Variants in CLPB observed in about 807,000 individuals in gnomAD.
The protein encoded by CLPB is ClpB family mitochondrial disaggregase.
Under a neutral mutation model 78.4 loss-of-function variants are expected in CLPB, and 40 were observed. That is an observed-to-expected ratio of 0.51 (90% CI 0.40 to 0.66). The LOEUF is 0.66. Ranked by LOEUF, CLPB falls within the 30% of genes least tolerant of loss-of-function variation. The pLI, the probability that CLPB is intolerant of heterozygous loss-of-function variation, is 0.00. For missense variants in CLPB, 780 were observed against 886.9 expected (o/e 0.88, Z 1.53); for synonymous variants, 333 against 348.0 (o/e 0.96, Z 0.48).
intron 6 of CLPB, among the ~76,000 whole-genome samples, chr11:72,321,144 G>T (rs1208685228): frequency 6.6e-6 from 1 of 152,086 alleles, no homozygotes; most frequent in African/African-American, 2.4e-5. Context: ...GCTTGGTAAG[G>T]GCTCTATAAA....
At chr11:72,358,471 G>A (rs937963605) in intron 5 of CLPB, among the ~76,000 whole-genome samples, 1 of 152,182 alleles carries the variant, frequency 6.6e-6, no homozygotes, top group Non-Finnish European at 1.5e-5. Context: ...TGGGTTAGGA[G>A]GGATTTAAAG....
intron 4 of CLPB, among the ~76,000 whole-genome samples, chr11:72,360,847 C>G (rs978013133): frequency 2.0e-4 from 30 of 152,260 alleles, no homozygotes; most frequent in African/African-American, 6.3e-4. Flanking sequence ...TTATTATTCC[C>G]ATTTTATAGA....
chr11:72,359,144 C>T, intron 4 of CLPB, 136 bp from the exon 5 acceptor site: 2 of 1,371,502 alleles, frequency 1.5e-6, no homozygotes, highest in Non-Finnish European at 2.0e-6. Flanking sequence ...CTACTATGTT[C>T]CTGGCCATCT....
chr11:72,386,175 G>C (rs1406050714), intron 3 of CLPB, among the ~76,000 whole-genome samples: 1 of 152,068 alleles, frequency 6.6e-6, no homozygotes, highest in African/African-American at 2.4e-5. Context: ...TGTCAATCTG[G>C]AAAACAGAAA....
chr11:72,302,203 C>A, intron 10 of CLPB, 101 bp downstream of exon 10: 1 of 1,301,486 alleles, frequency 7.7e-7, no homozygotes, highest in South Asian at 1.2e-5. Flanking sequence ...CGACAAATCC[C>A]AAGGCTGCTG....
intron 4 of CLPB, among the ~76,000 whole-genome samples, chr11:72,375,640 C>G (rs1312208670): frequency 6.6e-6 from 1 of 152,228 alleles, no homozygotes; most frequent in Non-Finnish European, 1.5e-5. Flanking sequence ...TGCCTACATA[C>G]TTTGTGCAGC....
intron 4 of CLPB, among the ~76,000 whole-genome samples, chr11:72,379,114 G>A (rs565136298): frequency 9.2e-5 from 14 of 152,262 alleles, no homozygotes; most frequent in East Asian, 3.9e-4. Context: ...CCTTCTCCCC[G>A]GGGCAGCAAC....
intron 3 of CLPB, among the ~76,000 whole-genome samples, chr11:72,383,411 G>A (rs1854977400): frequency 6.6e-6 from 1 of 151,580 alleles, no homozygotes; most frequent in Non-Finnish European, 1.5e-5. Context: ...GGCGCCTGTA[G>A]TCCCAGCTAC....
Position 72,289,730 on chromosome 11 carries a change from C to G in CLPB, c.*3637G>C. 1 of 152,094 alleles carries G rather than the reference C, an allele frequency of 6.6e-6. No individual in the cohort carries two copies. The allele number at this position is 152,094 out of a possible 1,614,324, so 9.4% of individuals were successfully genotyped here. A position where few individuals can be genotyped will look rare whatever the true frequency, so the allele number is the denominator to read the frequency against. ...GGATTACAGGAATGCACCACCATGC[C>G]TGGCTAATTTTTTATTTTTTAAACG... is the stretch of plus-strand genomic sequence containing the variant. On this transcript the variant is annotated 3_prime_UTR_variant, in exon 16 of 16. Coordinates refer to ENST00000538039, the MANE Select transcript of CLPB (RefSeq NM_001258392.3).
At chr11:72,333,375 T>C (rs1299958827) in intron 5 of CLPB, among the ~76,000 whole-genome samples, 1 of 152,232 alleles carries the variant, frequency 6.6e-6, no homozygotes, top group African/African-American at 2.4e-5. Flanking sequence ...ACTTTATATC[T>C]GCAAGCCTCT....
rs530584845 is a variant in CLPB, at chr11:72,418,496, G to T, written c.455+11816C>A. 6.6e-5 allele frequency among the ~76,000 whole-genome samples: 10 copies of T among 152,332 alleles called. No individual in the cohort carries two copies. The South Asian group carries it at 1.9e-3, about 28-fold the overall frequency. Reference sequence around the variant, plus strand: ...GTCACAGAACTAACCAATGGTCACAGCCAGGATTCAAGCCTTGTTTTGTCA... The same window carrying T: ...GTCACAGAACTAACCAATGGTCACATCCAGGATTCAAGCCTTGTTTTGTCA... On this transcript the variant is annotated intron_variant, in intron 2 of 15. Coordinates refer to ENST00000538039, the MANE Select transcript of CLPB (RefSeq NM_001258392.3).
chr11:72,375,304 T>C (rs1854653019), intron 4 of CLPB, among the ~76,000 whole-genome samples: 1 of 152,160 alleles, frequency 6.6e-6, no homozygotes, highest in Non-Finnish European at 1.5e-5. Context: ...TAAAATCCTT[T>C]AACGGCCTTC....
At chr11:72,392,776 C>T (rs1037380149) in intron 3 of CLPB, among the ~76,000 whole-genome samples, 2 of 152,134 alleles carry the variant, frequency 1.3e-5, no homozygotes, top group African/African-American at 4.8e-5. Context: ...CAAATGTACA[C>T]ATTAAATAAG....
At chr11:72,320,967 C>T (rs986440925) in intron 6 of CLPB, among the ~76,000 whole-genome samples, 1 of 152,184 alleles carries the variant, frequency 6.6e-6, no homozygotes, top group African/African-American at 2.4e-5. Context: ...CTCGTCTTGG[C>T]CTCCCAAAGT....
At chr11:72,369,355 C>T (rs1951001269) in intron 4 of CLPB, among the ~76,000 whole-genome samples, 4 of 152,144 alleles carry the variant, frequency 2.6e-5, no homozygotes, top group African/African-American at 7.2e-5. Context: ...GACATGCTCA[C>T]AAGTATCTAG....
At chr11:72,425,667 C>T (rs1484606809) in intron 2 of CLPB, among the ~76,000 whole-genome samples, 1 of 152,162 alleles carries the variant, frequency 6.6e-6, no homozygotes, top group East Asian at 1.9e-4. Context: ...ACGACCAGGT[C>T]GCTACCTGTC....
At chr11:72,354,446 G>A (rs1033184134) in intron 5 of CLPB, 12 of 397,718 alleles carry the variant, frequency 3.0e-5, no homozygotes, top group Admixed American at 4.4e-5. Flanking sequence ...TGGATCTGCC[G>A]GTGGGATCAC....
chr11:72,299,128 C>A lies in CLPB; in HGVS notation c.1329+2675G>T, dbSNP rs150102846. ...ATCTGCGGCTTCCCACTGTGTTCGC[C>A]GCCTTAGCTGATGGCCAACTGGCAG... On this transcript the variant is annotated intron_variant, in intron 11 of 15. Coordinates refer to ENST00000538039, the MANE Select transcript of CLPB (RefSeq NM_001258392.3). Among the ~76,000 whole-genome samples the A allele has an allele frequency of 3.2e-3, 485 of 152,294 alleles. 4 individuals carry two copies. The highest frequency in any genetic ancestry group is 0.011 in the African/African-American group (462 of 41,558).
rs1360026548 is a variant in CLPB, at chr11:72,287,599, C to T, written c.*5768G>A. ...AAGTGCTAGGATTACAGGTGTGGGC[C>T]ACCACCATGCCTGGCCATCAATCTT... On this transcript the variant is annotated 3_prime_UTR_variant, in exon 16 of 16. Coordinates refer to ENST00000538039, the MANE Select transcript of CLPB (RefSeq NM_001258392.3). The T allele has an allele frequency of 6.6e-6, 1 of 152,196 alleles. No homozygotes were observed. Among genetic ancestry groups the T allele is most frequent in the African/African-American group, 2.4e-5 (1 of 41,438 alleles). 9.4% of individuals were successfully genotyped at this position (152,196 alleles called of 1,614,324 possible).
Sources: gnomAD v4.1 joint callset for allele counts (sites outside exome capture counted in the v4.1 genomes callset) on GRCh38, gnomAD v4.1.1 for gene constraint, MANE v1.5 for transcripts, NCBI Gene and HGNC (gene_info 2026-07-23, HGNC 2026-07-21) for gene names.